The following CAST variants were observed in gnomAD, a reference collection of about 807,000 sequenced individuals.
CAST encodes MIR583 host.
In CAST, 76 loss-of-function variants were observed where a neutral mutation model predicts 119.6. That is an observed-to-expected ratio of 0.64 (90% CI 0.53 to 0.77). The LOEUF (loss-of-function observed/expected upper bound fraction) is 0.77. Among genes scored for constraint, CAST ranks in the 30% least tolerant of loss-of-function variants. The pLI is 0.00. For synonymous variants in CAST, 319 were observed against 331.6 expected (o/e 0.96, Z 0.41); for missense variants, 953 against 946.5 (o/e 1.01, Z -0.09).
chr5:96,734,535 A>G (rs535770407), intron 9 of CAST, among the ~76,000 whole-genome samples: 29 of 152,344 alleles, frequency 1.9e-4, no homozygotes, highest in African/African-American at 6.0e-4. Context: ...GGTTTTAGGA[A>G]ATGATTGACA....
chr5:96,345,431 G>A, the CAST span, among the ~76,000 whole-genome samples: 31 of 152,198 alleles, frequency 2.0e-4, no homozygotes, highest in African/African-American at 7.2e-4. Context: ...CTGAGCTTTC[G>A]ACTTAGCATT....
At chr5:96,521,012 C>A (rs139961765), upstream of CAST, among the ~76,000 whole-genome samples, 592 of 152,214 alleles carry the variant, frequency 3.9e-3, 7 homozygotes, top group Non-Finnish European at 7.1e-3. Flanking sequence ...AGTTTAGGGC[C>A]TCTTGGAACC....
At chr5:96,256,939 C>T in the CAST span, among the ~76,000 whole-genome samples, 2 of 152,174 alleles carry the variant, frequency 1.3e-5, no homozygotes, top group Non-Finnish European at 2.9e-5. Context: ...ATTATGGTCT[C>T]TTTTCCATGC....
chr5:96,412,750 A>ATTT, the CAST span, among the ~76,000 whole-genome samples: 11 of 63,410 alleles, frequency 1.7e-4, 1 homozygote, highest in African/African-American at 5.6e-4. Flanking sequence ...GGCAGCTGTG[A>ATTT]TGTTTTTTTT....
the CAST span, among the ~76,000 whole-genome samples, chr5:96,476,800 C>T: frequency 1.3e-5 from 2 of 151,990 alleles, no homozygotes; most frequent in African/African-American, 2.4e-5. Flanking sequence ...CCCAAACACA[C>T]ACATGTACAC....
At chr5:96,452,052 A>G in the CAST span, among the ~76,000 whole-genome samples, 1 of 152,260 alleles carries the variant, frequency 6.6e-6, no homozygotes, top group East Asian at 1.9e-4. Context: ...GGGAATGTAA[A>G]TTAGTTCAAC....
the CAST span, among the ~76,000 whole-genome samples, chr5:96,031,379 G>A: frequency 2.6e-5 from 4 of 152,194 alleles, no homozygotes; most frequent in African/African-American, 9.6e-5. Context: ...GCAAACATGA[G>A]CTTTATCTCT....
chr5:96,074,038 CTG>C, the CAST span, among the ~76,000 whole-genome samples: 3 of 152,188 alleles, frequency 2.0e-5, no homozygotes, highest in Non-Finnish European at 4.4e-5. Flanking sequence ...ATCACATTCT[CTG>C]TGAGTTGTTT....
the CAST span, among the ~76,000 whole-genome samples, chr5:96,444,389 T>C: frequency 6.6e-6 from 1 of 152,224 alleles, no homozygotes; most frequent in African/African-American, 2.4e-5. Flanking sequence ...TTCTATGTTT[T>C]GATGTTTAAA....
the CAST span, among the ~76,000 whole-genome samples, chr5:96,342,632 C>T: frequency 6.6e-6 from 1 of 152,164 alleles, no homozygotes; most frequent in African/African-American, 2.4e-5. Context: ...GCAGCTAGTC[C>T]CATACATAAG....
chr5:95,996,126 G>A, the CAST span, among the ~76,000 whole-genome samples: 1 of 152,168 alleles, frequency 6.6e-6, no homozygotes, highest in Non-Finnish European at 1.5e-5. Flanking sequence ...TGTGGCCTCA[G>A]TGAAACCAGT....
At chr5:96,503,845 A>G in the CAST span, among the ~76,000 whole-genome samples, 98 of 152,202 alleles carry the variant, frequency 6.4e-4, 1 homozygote, top group East Asian at 0.018. Flanking sequence ...CCCACCTTTC[A>G]TATTTCGTAA....
chr5:96,715,041 G>A (rs1006418553), intron 3 of CAST: 1 of 152,132 alleles, frequency 6.6e-6, no homozygotes, highest in Non-Finnish European at 1.5e-5. Context: ...GCTAGGCAAC[G>A]TTTGTATGTT....
At chr5:96,497,697 T>C in the CAST span, among the ~76,000 whole-genome samples, 1 of 152,212 alleles carries the variant, frequency 6.6e-6, no homozygotes, top group Admixed American at 6.5e-5. Context: ...TGCCCACTTT[T>C]TGATGGGGCT....
At chr5:96,579,621 T>G (rs1331017833) in intron 1 of CAST, among the ~76,000 whole-genome samples, 1 of 152,152 alleles carries the variant, frequency 6.6e-6, no homozygotes, top group Non-Finnish European at 1.5e-5. Flanking sequence ...AAGATGCCAT[T>G]CCGCTGTGCT....
the CAST span, among the ~76,000 whole-genome samples, chr5:96,251,438 A>T: frequency 6.6e-6 from 1 of 152,166 alleles, no homozygotes; most frequent in Non-Finnish European, 1.5e-5. Context: ...CTTTGCTGTT[A>T]ACTTTTCTTT....
chr5:96,128,352 G>A, the CAST span, among the ~76,000 whole-genome samples: 1 of 152,062 alleles, frequency 6.6e-6, no homozygotes, highest in Non-Finnish European at 1.5e-5. Context: ...ATTTTAGTCT[G>A]ATTGATGTTT....
At position 96,532,401 on chromosome 5, in the gene CAST, A is replaced by C. The variant is rs531187740; in HGVS notation, c.60+2521A>C. On this transcript the variant is annotated intron_variant, in intron 1 of 11. Coordinates refer to the CAST transcript ENST00000505143. ...CTTTCACAATCAGGGTGTAAAGGAA[A>C]CAACTTACAAAGAATCAAGAATCAC... Among the ~76,000 whole-genome samples, 7 of 152,294 alleles carry C rather than the reference A, an allele frequency of 4.6e-5. 2 individuals carry two copies. The highest frequency in any genetic ancestry group is 1.7e-4 in the African/African-American group (7 of 41,560).
At chr5:96,469,482 A>T in the CAST span, among the ~76,000 whole-genome samples, 1 of 151,960 alleles carries the variant, frequency 6.6e-6, no homozygotes, top group Non-Finnish European at 1.5e-5. Context: ...AGGAATTTTT[A>T]AAGATTAGAA....
Sources: allele counts gnomAD v4.1 joint callset (sites outside exome capture counted in the v4.1 genomes callset), GRCh38; gene constraint gnomAD v4.1.1; transcripts MANE v1.5; gene names NCBI Gene and HGNC (gene_info 2026-07-23, HGNC 2026-07-21).